The following TTC27 variants were observed in gnomAD, a reference collection of about 807,000 sequenced individuals.
TTC27 encodes tetratricopeptide repeat domain 27, also known as tetratricopeptide repeat protein 27.
TTC27 carries 79 observed loss-of-function variants against 115.9 expected under a neutral mutation model. The ratio of observed to expected loss-of-function variants is 0.68; its 90% confidence interval spans 0.57 to 0.82. The LOEUF is 0.82. Ranked by LOEUF, TTC27 falls within the 40% of genes least tolerant of loss-of-function variation. The probability of loss-of-function intolerance (pLI) is 0.00; values close to 1 mark genes in which losing one functional copy is unlikely to be tolerated. For missense variants in TTC27, 1,054 were observed against 993.1 expected, an observed-to-expected ratio of 1.06 and a Z score of -0.82; for synonymous variants, 401 against 356.0, an observed-to-expected ratio of 1.13 and a Z score of -1.42.
At position 32,715,160 on chromosome 2, in the gene TTC27, A is replaced by G. The variant is rs980279313; in HGVS notation, c.1233+12240A>G. Among the ~76,000 whole-genome samples, 5 of 152,142 alleles carry G rather than the reference A, an allele frequency of 3.3e-5. No individual in the cohort carries two copies. In the South Asian group the frequency reaches 6.2e-4, roughly 19 times the overall value. ...GGAATCTTTGCCAGTCCCTACATTC[A>G]GAATAGTACTTTCTAGGTTATCTTC... On this transcript the variant is annotated intron_variant, in intron 10 of 19. Coordinates refer to ENST00000317907, the MANE Select transcript of TTC27 (RefSeq NM_017735.5).
intron 10 of TTC27, among the ~76,000 whole-genome samples, chr2:32,720,000 T>C (rs1429646783): frequency 6.6e-6 from 1 of 152,236 alleles, no homozygotes; most frequent in Non-Finnish European, 1.5e-5. Flanking sequence ...TTTTATCCTA[T>C]AGCTAATAAT....
chr2:32,712,797 T>G lies in TTC27; in HGVS notation c.1233+9877T>G, dbSNP rs531726768. Among the ~76,000 whole-genome samples the G allele has an allele frequency of 3.9e-5, 6 of 152,186 alleles. No individual in the cohort carries two copies. In the South Asian group the frequency reaches 1.2e-3, roughly 31 times the overall value. On this transcript the variant is annotated intron_variant, in intron 10 of 19. Coordinates refer to ENST00000317907, the MANE Select transcript of TTC27 (RefSeq NM_017735.5). ...CCTGGGCTTAAGCTATTCACCTTCC[T>G]TCGCCTCCCACAGTGTTGGGATTAC...
intron 12 of TTC27, among the ~76,000 whole-genome samples, chr2:32,753,429 CTTTTTTTT>C (rs776515945): frequency 0.016 from 1,156 of 72,924 alleles, 14 homozygotes; most frequent in Middle Eastern, 0.069. Flanking sequence ...AATCAAATGC[CTTTTTTTT>C]TTTTTTTTTT....
Position 32,817,573 on chromosome 2 carries a change from G to A in TTC27, c.2409+16G>A. On this transcript the variant is annotated intron_variant, in intron 19 of 19. Coordinates refer to ENST00000317907, the MANE Select transcript of TTC27 (RefSeq NM_017735.5). The stretch of plus-strand genomic sequence containing the variant: ...TAAAGCAAAGGTGAGAGTGACATGT[G>A]AATTAATTGGAATTGTCATATAGAA... The A allele has an allele frequency of 6.3e-7, 1 of 1,593,220 alleles. No individual in the cohort carries two copies. Among genetic ancestry groups the A allele is most frequent in the African/African-American group, 1.3e-5 (1 of 74,512 alleles).
At chr2:32,715,688 G>A (rs912605294) in intron 10 of TTC27, among the ~76,000 whole-genome samples, 1 of 152,008 alleles carries the variant, frequency 6.6e-6, no homozygotes, top group Non-Finnish European at 1.5e-5. Flanking sequence ...AAAGTTGGTA[G>A]TCCTTTCTTT....
chr2:32,698,964 G>C (rs1667092764), intron 9 of TTC27, among the ~76,000 whole-genome samples: 1 of 152,074 alleles, frequency 6.6e-6, no homozygotes, highest in Admixed American at 6.5e-5. Flanking sequence ...TCTATCTAGA[G>C]AATGCCCCAA....
intron 15 of TTC27, among the ~76,000 whole-genome samples, 181 bp downstream of exon 15, chr2:32,782,859 C>T (rs1020549221): frequency 2.6e-5 from 4 of 152,040 alleles, no homozygotes; most frequent in African/African-American, 7.2e-5. Context: ...TCTAAATATA[C>T]AGTTTATTTC....
At chr2:32,665,229 G>T (rs1167086974) in intron 6 of TTC27, among the ~76,000 whole-genome samples, 1 of 152,082 alleles carries the variant, frequency 6.6e-6, no homozygotes, top group East Asian at 1.9e-4. Context: ...TTGTGGGCTT[G>T]TCTTGGATCT....
chr2:32,810,940 T>G lies in TTC27; in HGVS notation c.1999-84T>G, dbSNP rs1671295819. 3 of 1,434,584 alleles carry G rather than the reference T, an allele frequency of 2.1e-6. No individual in the cohort carries two copies. The African/African-American group carries it at 4.3e-5, about 20-fold the overall frequency. 88.9% of individuals were successfully genotyped at this position (1,434,584 alleles called of 1,614,324 possible). A position where few individuals can be genotyped will look rare whatever the true frequency, so the allele number is the denominator to read the frequency against. On this transcript the variant is annotated intron_variant, in intron 16 of 19. Transcript: ENST00000317907. ...TTCATAAGGTTTTTCATTGTCATTG[T>G]CTTTGATGATGGTGAGATAGCTCTT... is the stretch of plus-strand genomic sequence containing the variant.
intron 12 of TTC27, among the ~76,000 whole-genome samples, chr2:32,752,633 C>T (rs79787628): frequency 1.4e-3 from 220 of 152,198 alleles, no homozygotes; most frequent in Non-Finnish European, 1.7e-3. Context: ...CAAAATCAGC[C>T]GTTCTTTTTG....
chr2:32,706,025 G>A (rs150651916), intron 10 of TTC27, among the ~76,000 whole-genome samples: 1 of 115,770 alleles, frequency 8.6e-6, no homozygotes, highest in East Asian at 2.5e-4. Flanking sequence ...ATGGATTCCT[G>A]TTTTATTTTA....
At chr2:32,783,142 A>G (rs1010084084) in intron 15 of TTC27, among the ~76,000 whole-genome samples, 3 of 152,218 alleles carry the variant, frequency 2.0e-5, no homozygotes, top group Non-Finnish European at 2.9e-5. Flanking sequence ...TATATAAGCT[A>G]TCTGTGGCAA....
At chr2:32,725,161 T>C (rs763905199) in intron 10 of TTC27, among the ~76,000 whole-genome samples, 1 of 152,090 alleles carries the variant, frequency 6.6e-6, no homozygotes, top group Non-Finnish European at 1.5e-5. Flanking sequence ...AGACAAACCG[T>C]ATTATTTCAC....
chr2:32,702,033 A>AAAAAC (rs750676537), intron 9 of TTC27, among the ~76,000 whole-genome samples: 3,135 of 150,780 alleles, frequency 0.021, 54 homozygotes, highest in Non-Finnish European at 0.032. Context: ...AAACAAAAAC[A>AAAAAC]AAAAAAACCA....
At chr2:32,646,189 C>T (rs893366324) in intron 4 of TTC27, among the ~76,000 whole-genome samples, 1 of 151,914 alleles carries the variant, frequency 6.6e-6, no homozygotes, top group Non-Finnish European at 1.5e-5. Context: ...CCACCATGTG[C>T]AGCTAATTTT....
intron 12 of TTC27, among the ~76,000 whole-genome samples, chr2:32,746,093 G>GT (rs1668815735): frequency 6.6e-6 from 1 of 152,136 alleles, no homozygotes; most frequent in Admixed American, 6.5e-5. Flanking sequence ...GCTTAGATTT[G>GT]TATGTATGTG....
At chr2:32,638,524 A>G (rs909233931) in intron 3 of TTC27, among the ~76,000 whole-genome samples, 7 of 152,098 alleles carry the variant, frequency 4.6e-5, no homozygotes, top group Non-Finnish European at 1.0e-4. Context: ...GATTACAGGC[A>G]TGTGCCACTA....
chr2:32,734,095 T>G (rs1035679475), intron 11 of TTC27, among the ~76,000 whole-genome samples, 172 bp downstream of exon 11: 3 of 152,236 alleles, frequency 2.0e-5, no homozygotes, highest in Admixed American at 6.5e-5. Flanking sequence ...TTGATTAAAG[T>G]GATATTAGAC....
chr2:32,666,549 T>C (rs1342530018), intron 6 of TTC27, 86 bp from the exon 7 acceptor site: 2 of 1,418,186 alleles, frequency 1.4e-6, no homozygotes, highest in Non-Finnish European at 9.5e-7. Flanking sequence ...TTGTAAACTC[T>C]AAAGCACTCT....
Sources: allele counts gnomAD v4.1 joint callset (sites outside exome capture counted in the v4.1 genomes callset), GRCh38; gene constraint gnomAD v4.1.1; transcripts MANE v1.5; gene names NCBI Gene and HGNC (gene_info 2026-07-23, HGNC 2026-07-21).